Variants in TMCC1 observed in about 807,000 individuals in gnomAD.
TMCC1 encodes transmembrane and coiled-coil domains protein 1.
Under a neutral mutation model 52.4 loss-of-function variants are expected in TMCC1, and 15 were observed. That is an observed-to-expected ratio of 0.29 (90% CI 0.19 to 0.44). The LOEUF (loss-of-function observed/expected upper bound fraction) is 0.44. Ranked by LOEUF, TMCC1 falls within the 20% of genes least tolerant of loss-of-function variation. TMCC1 has a pLI of 1.00. For missense variants in TMCC1, 503 were observed against 806.0 expected (o/e 0.62, Z 4.55); for synonymous variants, 279 against 301.9 (o/e 0.92, Z 0.79).
chr3:129,822,590 C>T (rs1170462156), intron 4 of TMCC1, among the ~76,000 whole-genome samples: 7 of 152,142 alleles, frequency 4.6e-5, no homozygotes, highest in Admixed American at 4.6e-4. Flanking sequence ...TTTCTTATTT[C>T]CTGCTTGAAA....
At chr3:129,680,537 G>A (rs1423395892) in intron 4 of TMCC1, among the ~76,000 whole-genome samples, 3 of 152,162 alleles carry the variant, frequency 2.0e-5, no homozygotes, top group South Asian at 2.1e-4. Flanking sequence ...TATTCACTGC[G>A]TCGCTTGTCA....
rs371547594 is a variant in TMCC1, at chr3:129,714,700, C to T, written c.577-43436G>A. Among the ~76,000 whole-genome samples, 22 of 152,276 alleles carry T rather than the reference C, an allele frequency of 1.4e-4. No homozygotes were observed. The South Asian group carries it at 4.4e-3, about 30-fold the overall frequency. On this transcript the variant is annotated intron_variant, in intron 4 of 6. Transcript: ENST00000393238. ...TTTCAAACAGATAATGTGCATGAGGCACCAATGGGGATAAAAAAGCCAACT... is the reference window on the plus strand; with the variant it reads ...TTTCAAACAGATAATGTGCATGAGGTACCAATGGGGATAAAAAAGCCAACT...
chr3:129,873,927 G>T (rs1046370608), intron 2 of TMCC1, among the ~76,000 whole-genome samples: 1 of 152,110 alleles, frequency 6.6e-6, no homozygotes, highest in African/African-American at 2.4e-5. Flanking sequence ...AATTTGGGAT[G>T]CTCAAACTAT....
chr3:129,835,468 AAG>A (rs761198382), intron 2 of TMCC1, among the ~76,000 whole-genome samples: 9 of 150,724 alleles, frequency 6.0e-5, no homozygotes, highest in Non-Finnish European at 8.8e-5. Context: ...AGAATCCAGA[AAG>A]AGAGATATAT....
chr3:129,739,313 A>G (rs930109985), intron 4 of TMCC1, among the ~76,000 whole-genome samples: 18 of 152,096 alleles, frequency 1.2e-4, no homozygotes, highest in African/African-American at 3.9e-4. Flanking sequence ...GATTACAGGC[A>G]TGCACCAACA....
intron 4 of TMCC1, among the ~76,000 whole-genome samples, chr3:129,679,051 C>G (rs1322977695): frequency 6.6e-6 from 1 of 152,186 alleles, no homozygotes; most frequent in Admixed American, 6.5e-5. Flanking sequence ...ACCTGCACCA[C>G]TACATCCCAT....
intron 1 of TMCC1, among the ~76,000 whole-genome samples, chr3:129,886,266 T>C (rs1456295618): frequency 6.6e-6 from 1 of 152,094 alleles, no homozygotes; most frequent in Non-Finnish European, 1.5e-5. Flanking sequence ...AACAAGAAAA[T>C]TATGTGATTT....
At chr3:129,884,271 A>C (rs2061592833) in intron 1 of TMCC1, among the ~76,000 whole-genome samples, 2 of 152,166 alleles carry the variant, frequency 1.3e-5, no homozygotes, top group African/African-American at 4.8e-5. Flanking sequence ...ATACTGGACA[A>C]AGACTTTTAT....
chr3:129,821,869 A>G (rs1207077376), intron 4 of TMCC1, among the ~76,000 whole-genome samples: 3 of 152,062 alleles, frequency 2.0e-5, no homozygotes, highest in African/African-American at 7.2e-5. Context: ...GTTCAAGACC[A>G]GCCTGGGCAA....
chr3:129,878,344 C>G (rs1394045575), intron 2 of TMCC1, among the ~76,000 whole-genome samples: 1 of 152,154 alleles, frequency 6.6e-6, no homozygotes, highest in East Asian at 1.9e-4. Flanking sequence ...ACTTGTTTCT[C>G]TTTCTTTCAG....
chr3:129,689,502 T>A (rs1048485585), intron 4 of TMCC1, among the ~76,000 whole-genome samples: 19 of 152,182 alleles, frequency 1.2e-4, no homozygotes, highest in Admixed American at 7.2e-4. Context: ...CAGAAAGGAA[T>A]CAGACATGAA....
chr3:129,695,912 T>C (rs865910929), intron 4 of TMCC1, among the ~76,000 whole-genome samples: 1 of 152,346 alleles, frequency 6.6e-6, no homozygotes, highest in Admixed American at 6.5e-5. Flanking sequence ...TTTAACCCTA[T>C]GTATCATGAC....
chr3:129,828,121 C>T lies in TMCC1; in HGVS notation c.258G>A (p.Gln86=). The stretch of plus-strand genomic sequence containing the variant: ...CACCATCAATCTCAGCACATGCGTT[C>T]TGGCTTTCCAGATCCATTTCAGGTT... ...DPEPEMDLES[Q]NACAEIDGVP... The change falls in exon 4 of 7, where the codon CAG becomes CAA. Residue 86 remains glutamine (Q), a synonymous_variant. Coordinates refer to ENST00000393238, the MANE Select transcript of TMCC1 (RefSeq NM_001017395.5). The surrounding 1 kb of genome is among the most constrained non-coding windows in gnomAD (Gnocchi z 4.1). 6.2e-7 allele frequency: 1 copy of T among 1,614,182 alleles called. No homozygotes were observed. Among genetic ancestry groups the T allele is most frequent in the Non-Finnish European group, 8.5e-7 (1 of 1,180,024 alleles).
chr3:129,661,034 C>T (rs1461971500), intron 5 of TMCC1, among the ~76,000 whole-genome samples: 2 of 152,142 alleles, frequency 1.3e-5, no homozygotes. Context: ...AAATAAAGTC[C>T]TTTAGAGGTT....
intron 4 of TMCC1, among the ~76,000 whole-genome samples, chr3:129,779,602 A>G (rs1349357860): frequency 2.6e-5 from 4 of 152,220 alleles, no homozygotes; most frequent in Non-Finnish European, 5.9e-5. Context: ...TCTTTATGCT[A>G]AAGATTTACC....
intron 4 of TMCC1, among the ~76,000 whole-genome samples, chr3:129,800,986 C>T (rs192289472): frequency 1.4e-5 from 2 of 142,832 alleles, no homozygotes; most frequent in South Asian, 2.2e-4. Flanking sequence ...TGCAGTGGCG[C>T]GATCTTGGCT....
At chr3:129,871,570 C>T (rs2060932185) in intron 2 of TMCC1, among the ~76,000 whole-genome samples, 1 of 152,002 alleles carries the variant, frequency 6.6e-6, no homozygotes, top group Non-Finnish European at 1.5e-5. Context: ...CACAACTTAG[C>T]AACAGAATTT....
intron 2 of TMCC1, among the ~76,000 whole-genome samples, chr3:129,843,937 T>G (rs1357546311): frequency 6.9e-6 from 1 of 144,060 alleles, no homozygotes; most frequent in Non-Finnish European, 1.5e-5. Flanking sequence ...CAACTCTGCA[T>G]GCAGACCAGT....
At chr3:129,840,213 G>A (rs2059357223) in intron 2 of TMCC1, among the ~76,000 whole-genome samples, 1 of 149,572 alleles carries the variant, frequency 6.7e-6, no homozygotes, top group African/African-American at 2.5e-5. Flanking sequence ...TGTAAGTCCA[G>A]CTACTTAGGA....
Sources: gnomAD v4.1 joint callset for allele counts (sites outside exome capture counted in the v4.1 genomes callset) on GRCh38, gnomAD v4.1.1 for gene constraint, Gnocchi (gnomAD v3.1) non-coding constraint, MANE v1.5 for transcripts, NCBI Gene and HGNC (gene_info 2026-07-23, HGNC 2026-07-21) for gene names.